The following DLGAP1 variants were observed in gnomAD, a reference collection of about 807,000 sequenced individuals.
DLGAP1 encodes DLG associated protein 1, also known as disks large-associated protein 1.
Under a neutral mutation model 90.8 loss-of-function variants are expected in DLGAP1, and 11 were observed. That is an observed-to-expected ratio of 0.12 (90% confidence interval 0.08 to 0.20). The LOEUF (loss-of-function observed/expected upper bound fraction) is 0.20. Ranked by LOEUF, DLGAP1 falls within the 10% of genes least tolerant of loss-of-function variation. The pLI, the probability that DLGAP1 is intolerant of heterozygous loss-of-function variation, is 1.00. For synonymous variants in DLGAP1, 558 were observed against 540.7 expected (o/e 1.03, Z -0.44); for missense variants, 1,050 against 1,333.8 (o/e 0.79, Z 3.31).
intron 5 of DLGAP1, among the ~76,000 whole-genome samples, chr18:3,759,062 T>G (rs185731788): frequency 1.3e-5 from 2 of 151,706 alleles, no homozygotes; most frequent in African/African-American, 4.8e-5. Context: ...TTCTTGTTCT[T>G]CCTCCGTAAA....
chr18:4,333,767 C>T (rs1198186358), intron 1 of DLGAP1, among the ~76,000 whole-genome samples: 11 of 151,052 alleles, frequency 7.3e-5, no homozygotes, highest in African/African-American at 2.4e-5. Flanking sequence ...CTACAGGCGC[C>T]CACCACCACG....
chr18:4,263,797 G>T (rs1598752684), intron 1 of DLGAP1, among the ~76,000 whole-genome samples: 1 of 152,042 alleles, frequency 6.6e-6, no homozygotes, highest in South Asian at 2.1e-4. Flanking sequence ...TTTTTTTAAT[G>T]TGTTTTTTCT....
chr18:4,088,487 C>A (rs898465099), intron 2 of DLGAP1, among the ~76,000 whole-genome samples: 15 of 152,162 alleles, frequency 9.9e-5, no homozygotes, highest in Non-Finnish European at 2.1e-4. Flanking sequence ...ATATCTTCAA[C>A]TTTCCCATTT....
chr18:3,765,381 T>TC (rs2064191238), intron 5 of DLGAP1, among the ~76,000 whole-genome samples: 1 of 150,416 alleles, frequency 6.6e-6, no homozygotes, highest in African/African-American at 2.4e-5. Flanking sequence ...CTGCCCACCT[T>TC]GGCCTCCCAA....
intron 1 of DLGAP1, among the ~76,000 whole-genome samples, chr18:4,237,158 C>T (rs1472782491): frequency 2.6e-5 from 4 of 152,146 alleles, no homozygotes; most frequent in Non-Finnish European, 4.4e-5. Flanking sequence ...ATCCTGAACT[C>T]GCCAATTAAT....
At chr18:4,238,370 G>T (rs531252021) in intron 1 of DLGAP1, among the ~76,000 whole-genome samples, 8 of 152,150 alleles carry the variant, frequency 5.3e-5, no homozygotes, top group Non-Finnish European at 1.2e-4. Context: ...CCTGATATCT[G>T]AAGTTACTTA....
intron 1 of DLGAP1, among the ~76,000 whole-genome samples, chr18:4,406,867 G>A (rs1284460638): frequency 6.6e-6 from 1 of 152,178 alleles, no homozygotes; most frequent in Non-Finnish European, 1.5e-5. Flanking sequence ...TGCAAACTGA[G>A]ACAGTGTAGT....
At chr18:4,049,222 G>A (rs1221250618) in intron 2 of DLGAP1, among the ~76,000 whole-genome samples, 1 of 64,510 alleles carries the variant, frequency 1.6e-5, no homozygotes, top group South Asian at 6.3e-4. Flanking sequence ...GCAAGACTCT[G>A]TCTCAAAAAA....
At chr18:4,095,949 A>G (rs1318716357) in intron 2 of DLGAP1, among the ~76,000 whole-genome samples, 1 of 152,110 alleles carries the variant, frequency 6.6e-6, no homozygotes, top group African/African-American at 2.4e-5. Context: ...CAAATTCTAA[A>G]GAGCCTGTGT....
intron 8 of DLGAP1, among the ~76,000 whole-genome samples, chr18:3,574,900 C>T (rs1005220743): frequency 4.0e-5 from 6 of 150,924 alleles, no homozygotes; most frequent in East Asian, 2.0e-4. Context: ...CTGCAAGCTC[C>T]ACCTCCCGGG....
intron 5 of DLGAP1, among the ~76,000 whole-genome samples, chr18:3,786,664 C>A (rs2065463905): frequency 6.6e-6 from 1 of 152,150 alleles, no homozygotes; most frequent in African/African-American, 2.4e-5. Flanking sequence ...GGGGCCCTCA[C>A]TGAGCAAAGA....
chr18:4,432,242 T>C (rs992125042), intron 1 of DLGAP1, among the ~76,000 whole-genome samples: 2 of 152,176 alleles, frequency 1.3e-5, no homozygotes, highest in Non-Finnish European at 2.9e-5. Flanking sequence ...TAAATTATGT[T>C]GAAATGAGAA....
intron 4 of DLGAP1, among the ~76,000 whole-genome samples, chr18:3,860,607 T>C (rs2069989085): frequency 1.3e-5 from 2 of 152,182 alleles, no homozygotes; most frequent in Admixed American, 1.3e-4. Context: ...TGGCTGTCAA[T>C]GAAGGTGAAC....
chr18:3,502,953 T>C (rs989915493), intron 11 of DLGAP1, among the ~76,000 whole-genome samples: 3 of 152,090 alleles, frequency 2.0e-5, no homozygotes, highest in Admixed American at 2.0e-4. Flanking sequence ...ACAGGACGTA[T>C]TTTAAAACAC....
intron 3 of DLGAP1, among the ~76,000 whole-genome samples, chr18:3,947,371 C>G (rs529358144): frequency 6.6e-6 from 1 of 152,204 alleles, no homozygotes; most frequent in African/African-American, 2.4e-5. Context: ...TCTGGCTTAT[C>G]TCTTCCAAAA....
At chr18:4,306,936 TTTTG>T (rs1344554632) in intron 1 of DLGAP1, among the ~76,000 whole-genome samples, 1 of 123,236 alleles carries the variant, frequency 8.1e-6, no homozygotes, top group Non-Finnish European at 1.9e-5. Flanking sequence ...TGAGCTTTTG[TTTTG>T]TTTGTCCTTC....
intron 2 of DLGAP1, among the ~76,000 whole-genome samples, chr18:4,047,512 C>G (rs537550442): frequency 2.6e-5 from 4 of 152,270 alleles, no homozygotes; most frequent in African/African-American, 9.6e-5. Flanking sequence ...GAATATTTAG[C>G]TATGAAACAT....
At chr18:3,960,578 CAT>C (rs1476506069) in intron 3 of DLGAP1, among the ~76,000 whole-genome samples, 1 of 152,188 alleles carries the variant, frequency 6.6e-6, no homozygotes, top group Admixed American at 6.5e-5. Flanking sequence ...AAAATAATAA[CAT>C]AAAGAAACAA....
intron 2 of DLGAP1, among the ~76,000 whole-genome samples, chr18:4,067,794 A>G (rs1332989532): frequency 6.6e-6 from 1 of 152,006 alleles, no homozygotes; most frequent in Non-Finnish European, 1.5e-5. Flanking sequence ...TATGACCTAG[A>G]ACCTCCTCCC....
Sources: allele counts gnomAD v4.1 joint callset (sites outside exome capture counted in the v4.1 genomes callset), GRCh38; gene constraint gnomAD v4.1.1; transcripts MANE v1.5; gene names NCBI Gene and HGNC (gene_info 2026-07-23, HGNC 2026-07-21).